Variants in OTOA observed in about 807,000 individuals in gnomAD.
OTOA encodes the protein otoancorin.
Under a neutral mutation model 110.8 loss-of-function variants are expected in OTOA, and 70 were observed. The observed-to-expected ratio is 0.63, with a 90% CI of 0.52 to 0.77. OTOA has a LOEUF of 0.77. Among genes scored for constraint, OTOA ranks in the 30% least tolerant of loss-of-function variants. OTOA has a pLI of 0.00. For missense variants in OTOA, 917 were observed against 1,075.8 expected, an observed-to-expected ratio of 0.85 and a Z score of 2.06; for synonymous variants, 373 against 431.5, an observed-to-expected ratio of 0.86 and a Z score of 1.68.
intron 22 of OTOA, among the ~76,000 whole-genome samples, chr16:21,739,001 G>T (rs1282289498): frequency 6.6e-6 from 1 of 152,308 alleles, no homozygotes; most frequent in Non-Finnish European, 1.5e-5. Context: ...ATATTGCAGA[G>T]CTCTTACTGT....
chr16:21,678,287 T>C (rs887243563), intron 1 of OTOA, among the ~76,000 whole-genome samples: 2 of 151,996 alleles, frequency 1.3e-5, no homozygotes, highest in African/African-American at 4.8e-5. Context: ...GAGATGATAG[T>C]GTCTTAGACA....
At chr16:21,726,468 G>A in intron 18 of OTOA, 55 bp from the exon 19 acceptor site, 10 of 1,609,736 alleles carry the variant, frequency 6.2e-6, no homozygotes, top group Non-Finnish European at 8.5e-6. Flanking sequence ...CTGATTTTAG[G>A]GGCCAACAGG....
Position 21,736,293 on chromosome 16 carries a change from G to C in OTOA, c.2334G>C (p.Lys778Asn). 3.1e-6 allele frequency: 5 copies of C among 1,613,938 alleles called. No individual in the cohort carries two copies. The highest frequency in any genetic ancestry group is 4.2e-6 in the Non-Finnish European group (5 of 1,179,854). The change falls in exon 22 of 29, where the codon AAG becomes AAC. Residue 778 changes from lysine to asparagine, a missense_variant. By Grantham distance (94) the Lys-to-Asn change is moderately conservative. Around this residue, in one of 6 missense-constraint regions of OTOA, gnomAD observed 57 missense variants for 59.7 expected, o/e 0.96. Coordinates refer to ENST00000646100, the MANE Select transcript of OTOA (RefSeq NM_144672.4). ...FPEILLQAAS[K>N]MARTLPTKEF... is the part of the protein sequence containing the mutation. ...AGATCCTTCTGCAAGCAGCTTCCAA[G>C]ATGGCCAGGACCCTGCCCACTAAAG...
At chr16:21,702,297 C>T (rs1485573839) in intron 11 of OTOA, among the ~76,000 whole-genome samples, 2 of 152,170 alleles carry the variant, frequency 1.3e-5, no homozygotes, top group African/African-American at 2.4e-5. Flanking sequence ...ATTATTGCCA[C>T]ACTGCTCCCA....
At position 21,697,813 on chromosome 16, in the gene OTOA, G is replaced by T; in HGVS notation, c.778G>T (p.Val260Phe). ...ASWVSAEHLW[V>F]LGRYMVHLSF... The stretch of plus-strand genomic sequence containing the variant: ...ATGGGTCAGTGCGGAACACTTATGG[G>T]TTTTGGGCAGATACATGGTTCACCT... The change falls in exon 10 of 29, where the codon GTT (valine) becomes TTT (phenylalanine). Residue 260 changes from valine (V) to phenylalanine (F), a missense_variant. Physicochemically the swap from Val to Phe is conservative, Grantham distance 50. Around this residue, in one of 6 missense-constraint regions of OTOA, gnomAD observed 840 missense variants for 910.2 expected, o/e 0.92. Coordinates refer to ENST00000646100, the MANE Select transcript of OTOA (RefSeq NM_144672.4). The T allele has an allele frequency of 2.5e-6, 4 of 1,614,108 alleles. No homozygotes were observed. Among genetic ancestry groups the T allele is most frequent in the Non-Finnish European group, 3.4e-6 (4 of 1,180,000 alleles).
intron 8 of OTOA, among the ~76,000 whole-genome samples, chr16:21,691,224 A>G (rs1335069042): frequency 1.3e-5 from 2 of 152,118 alleles, no homozygotes; most frequent in African/African-American, 2.4e-5. Context: ...ATTGGAGGAC[A>G]TTTGGGTTGG....
chr16:21,684,409 GC>G, intron 6 of OTOA: 1 of 1,507,248 alleles, frequency 6.6e-7, no homozygotes, highest in Non-Finnish European at 8.9e-7. Context: ...CCTGTAGGGG[GC>G]GCCACAGAGT....
chr16:21,716,766 TG>T, intron 14 of OTOA, 140 bp from the exon 15 acceptor site: 1 of 928,930 alleles, frequency 1.1e-6, no homozygotes, highest in Non-Finnish European at 1.7e-6. Context: ...ACCTGTGAAA[TG>T]GGGATGATGC....
intron 28 of OTOA, among the ~76,000 whole-genome samples, chr16:21,759,197 C>T (rs1900090878): frequency 6.6e-6 from 1 of 152,082 alleles, no homozygotes; most frequent in African/African-American, 2.4e-5. Context: ...CCCAGCCACC[C>T]TGTTCCCTCC....
At chr16:21,676,808 T>G (rs1966858899) in intron 1 of OTOA, among the ~76,000 whole-genome samples, 1 of 152,202 alleles carries the variant, frequency 6.6e-6, no homozygotes, top group South Asian at 2.1e-4. Context: ...AGGCTCTGTT[T>G]GGATTCTCCC....
chr16:21,676,086 GT>G lies in OTOA; in HGVS notation c.-4-2421del, dbSNP rs199499098. ...GGGCACCTGCCACATCCCTGGCAAA[GT>G]TTTGCATTTTTGGTAAAGACAGAGT... On this transcript the variant is annotated intron_variant, in intron 1 of 28. Transcript: ENST00000646100. Among the ~76,000 whole-genome samples the G allele has an allele frequency of 6.3e-3, 951 of 152,100 alleles. 19 individuals are homozygous for G. The highest frequency in any genetic ancestry group is 0.022 in the African/African-American group (917 of 41,496).
intron 12 of OTOA, among the ~76,000 whole-genome samples, chr16:21,707,755 C>G (rs1192421149): frequency 1.3e-5 from 1 of 78,544 alleles, no homozygotes; most frequent in Admixed American, 1.4e-4. Flanking sequence ...TTTCCTCCTT[C>G]CCTCCCTCCC....
intron 27 of OTOA, among the ~76,000 whole-genome samples, chr16:21,754,062 C>CTA (rs1310435161): frequency 2.2e-5 from 3 of 137,984 alleles, no homozygotes; most frequent in Admixed American, 7.3e-5. Context: ...CCATCTCTCT[C>CTA]TCTCTATATA....
chr16:21,669,107 C>G (rs1038514708), intron 1 of OTOA, among the ~76,000 whole-genome samples: 2 of 151,856 alleles, frequency 1.3e-5, no homozygotes, highest in Admixed American at 6.6e-5. Flanking sequence ...ACTTTGGGAG[C>G]CTGTGTCAGG....
At chr16:21,721,467 A>G (rs766345562) in intron 17 of OTOA, 9 of 455,958 alleles carry the variant, frequency 2.0e-5, no homozygotes, top group South Asian at 7.7e-5. Context: ...ACATCCTACA[A>G]TGCGTAGGAC....
intron 13 of OTOA, among the ~76,000 whole-genome samples, chr16:21,714,001 C>T (rs1898437581): frequency 6.6e-6 from 1 of 152,120 alleles, no homozygotes; most frequent in Non-Finnish European, 1.5e-5. Context: ...GGTGAGGCCA[C>T]TTTTACTCAG....
intron 1 of OTOA, among the ~76,000 whole-genome samples, chr16:21,664,472 T>A (rs1383377638): frequency 1.3e-5 from 2 of 152,076 alleles, no homozygotes; most frequent in Non-Finnish European, 2.9e-5. Context: ...CCAAAACTAC[T>A]TAGTAATATA....
chr16:21,714,498 C>CTTTCTT (rs1567384760), intron 13 of OTOA, among the ~76,000 whole-genome samples: 34 of 120,856 alleles, frequency 2.8e-4, no homozygotes, highest in East Asian at 1.3e-3. Context: ...CTCTCTCTCT[C>CTTTCTT]TCTTTCTTTC....
intron 13 of OTOA, among the ~76,000 whole-genome samples, chr16:21,713,904 G>A (rs954859010): frequency 1.1e-4 from 16 of 152,136 alleles, no homozygotes; most frequent in Non-Finnish European, 2.1e-4. Context: ...TTTGATTTTA[G>A]GGAGTTGAGG....
Sources: allele counts gnomAD v4.1 joint callset (sites outside exome capture counted in the v4.1 genomes callset), GRCh38; gene constraint gnomAD v4.1.1; regional missense constraint gnomAD v4.1.1; transcripts MANE v1.5; gene names NCBI Gene and HGNC (gene_info 2026-07-23, HGNC 2026-07-21).